Variants in NRP1 observed in about 807,000 individuals in gnomAD.
NRP1 encodes the protein neuropilin-1.
In NRP1, 35 loss-of-function variants were observed where a neutral mutation model predicts 106.7. The observed-to-expected ratio is 0.33, with a 90% CI of 0.25 to 0.43. The LOEUF (loss-of-function observed/expected upper bound fraction) is 0.43. Among genes scored for constraint, NRP1 ranks in the 20% least tolerant of loss-of-function variants. The probability of loss-of-function intolerance (pLI) is 1.00; values close to 1 mark genes in which losing one functional copy is unlikely to be tolerated. For synonymous variants in NRP1, 437 were observed against 417.9 expected, an observed-to-expected ratio of 1.05 and a Z score of -0.56; for missense variants, 1,024 against 1,170.4, an observed-to-expected ratio of 0.87 and a Z score of 1.83.
chr10:33,216,125 CTTCTTTCT>C (rs1357393342), intron 8 of NRP1, among the ~76,000 whole-genome samples: 1 of 149,838 alleles, frequency 6.7e-6, no homozygotes, highest in African/African-American at 2.4e-5. Context: ...CTGCATTTCC[CTTCTTTCT>C]TTCTTTCTTT....
intron 12 of NRP1, among the ~76,000 whole-genome samples, chr10:33,196,633 G>A (rs1045320744): frequency 6.6e-6 from 1 of 152,186 alleles, no homozygotes; most frequent in African/African-American, 2.4e-5. Flanking sequence ...GTGGTAGCAG[G>A]AATTTTGTCA....
chr10:33,242,896 C>G (rs1026553180), intron 6 of NRP1, among the ~76,000 whole-genome samples: 1 of 152,112 alleles, frequency 6.6e-6, no homozygotes, highest in Non-Finnish European at 1.5e-5. Context: ...TTTCTTCTTT[C>G]TGGGTTAGTA....
intron 3 of NRP1, among the ~76,000 whole-genome samples, chr10:33,268,746 T>A (rs529216876): frequency 6.6e-6 from 1 of 152,376 alleles, no homozygotes; most frequent in Admixed American, 6.5e-5. Flanking sequence ...TGTGTACATA[T>A]ACAGACACGT....
At position 33,267,011 on chromosome 10, in the gene NRP1, A is replaced by G. The variant is rs546825805; in HGVS notation, c.431-3138T>C. ...CGTGCCACTGCACTCCAGCCTGAGC[A>G]ACAGAGTGAGACTCTGTCTCAAAAC... On this transcript the variant is annotated intron_variant, in intron 3 of 16. Transcript: ENST00000374867. Among the ~76,000 whole-genome samples, 14 of 152,242 alleles carry G rather than the reference A, an allele frequency of 9.2e-5. 1 individual carries two copies. The highest frequency in any genetic ancestry group is 5.2e-4 in the Admixed American group (8 of 15,292).
chr10:33,252,996 G>GTTTTTTT (rs35881919), intron 6 of NRP1, among the ~76,000 whole-genome samples: 10 of 144,890 alleles, frequency 6.9e-5, no homozygotes, highest in Non-Finnish European at 6.1e-5. Context: ...TCATCTTGTG[G>GTTTTTTT]TTTTTTTTTT....
At chr10:33,256,627 T>C (rs1356833140) in intron 4 of NRP1, among the ~76,000 whole-genome samples, 156 bp from the exon 5 acceptor site, 2 of 152,124 alleles carry the variant, frequency 1.3e-5, no homozygotes, top group African/African-American at 4.8e-5. Context: ...TGTGAACATA[T>C]TGGATTGGGT....
intron 2 of NRP1, among the ~76,000 whole-genome samples, chr10:33,280,656 T>C (rs999371501): frequency 6.6e-6 from 1 of 152,186 alleles, no homozygotes; most frequent in Non-Finnish European, 1.5e-5. Context: ...TTTAAGTCCT[T>C]ATATCCTTAC....
intron 2 of NRP1, among the ~76,000 whole-genome samples, chr10:33,277,194 T>C (rs1254843729): frequency 6.6e-6 from 1 of 151,574 alleles, no homozygotes. Context: ...CAGTGAAAAA[T>C]GCTTATGATA....
intron 8 of NRP1, among the ~76,000 whole-genome samples, chr10:33,216,360 T>C (rs1329208988): frequency 6.6e-6 from 1 of 151,994 alleles, no homozygotes; most frequent in Non-Finnish European, 1.5e-5. Flanking sequence ...ATGGTCTCGA[T>C]CTCCTGACCT....
intron 11 of NRP1, among the ~76,000 whole-genome samples, chr10:33,199,382 T>TATATATATATATATAG (rs1837072187): frequency 1.4e-5 from 1 of 71,120 alleles, no homozygotes; most frequent in Non-Finnish European, 2.8e-5. Context: ...TATATATATA[T>TATATATATATATATAG]ATATATATTT....
intron 2 of NRP1, 84 bp downstream of exon 2, chr10:33,330,624 T>C (rs1001331174): frequency 1.7e-6 from 2 of 1,205,218 alleles, no homozygotes; most frequent in Non-Finnish European, 2.3e-6. Flanking sequence ...ATAATCTACA[T>C]TGTACACACC....
At chr10:33,249,992 G>A (rs766385477) in intron 6 of NRP1, among the ~76,000 whole-genome samples, 13 of 151,898 alleles carry the variant, frequency 8.6e-5, no homozygotes, top group Non-Finnish European at 1.8e-4. Flanking sequence ...TTCCAATATC[G>A]CCTTATTAAT....
chr10:33,202,576 G>GGGA, intron 11 of NRP1: 1 of 1,419,408 alleles, frequency 7.0e-7, no homozygotes, highest in East Asian at 2.6e-5. Context: ...TTGGGGGGGG[G>GGGA]TCTGAAAATA....
At chr10:33,292,786 G>A (rs1241300124) in intron 2 of NRP1, among the ~76,000 whole-genome samples, 3 of 152,068 alleles carry the variant, frequency 2.0e-5, no homozygotes, top group African/African-American at 7.2e-5. Flanking sequence ...TCAGAAGTTC[G>A]AGACCAGCCT....
intron 9 of NRP1, 196 bp downstream of exon 9, chr10:33,213,190 C>A: frequency 7.0e-7 from 1 of 1,433,216 alleles, no homozygotes; most frequent in Non-Finnish European, 9.4e-7. Context: ...AATTCTTTTG[C>A]ATGTTATCTC....
In NRP1 at chr10:33,249,084, G is replaced by GTTTTTTTTTTTT. The variant is rs750905931; in HGVS notation, c.981+4932_981+4943dup. ...ATCCCACCCAGGTATTATGTCTCTT[G>GTTTTTTTTTTTT]TTTTTTTTTTTTTTTTTTTTTTTTG... On this transcript the variant is annotated intron_variant, in intron 6 of 16. Transcript: ENST00000374867. Among the ~76,000 whole-genome samples, 87 of 72,198 alleles carry GTTTTTTTTTTTT rather than the reference G, an allele frequency of 1.2e-3. 1 individual carries two copies. Among genetic ancestry groups the GTTTTTTTTTTTT allele is most frequent in the East Asian group, 1.4e-3 (3 of 2,124 alleles). 47.4% of individuals were successfully genotyped at this position (72,198 alleles called of 152,430 possible).
At chr10:33,197,247 T>C (rs946175096) in intron 12 of NRP1, among the ~76,000 whole-genome samples, 4 of 152,168 alleles carry the variant, frequency 2.6e-5, no homozygotes, top group African/African-American at 9.7e-5. Flanking sequence ...GCCAACTCCA[T>C]GGCAGGCAAA....
intron 2 of NRP1, among the ~76,000 whole-genome samples, chr10:33,273,525 C>G (rs1280539572): frequency 6.6e-6 from 1 of 152,192 alleles, no homozygotes; most frequent in Non-Finnish European, 1.5e-5. Flanking sequence ...AGCCCAGGAT[C>G]CTGAGTTTGC....
Position 33,177,915 on chromosome 10 carries a change from T to C in NRP1, c.*2161A>G, listed in dbSNP as rs1044222. On this transcript the variant is annotated 3_prime_UTR_variant, in exon 17 of 17. Transcript: ENST00000374867. ...ACAAATTAATAACTTTATAAACATA[T>C]AATTTTTAAATATATTTATCAGTGC... The C allele has an allele frequency of 0.16, 24,802 of 152,606 alleles. 2,380 individuals are homozygous for C. Among genetic ancestry groups the C allele is most frequent in the East Asian group, 0.5 (2,562 of 5,170 alleles). 9.5% of individuals were successfully genotyped at this position (152,606 alleles called of 1,614,324 possible). A position where few individuals can be genotyped will look rare whatever the true frequency, so the allele number is the denominator to read the frequency against.
Sources: gnomAD v4.1 joint callset for allele counts (sites outside exome capture counted in the v4.1 genomes callset) on GRCh38, gnomAD v4.1.1 for gene constraint, MANE v1.5 for transcripts, NCBI Gene and HGNC (gene_info 2026-07-23, HGNC 2026-07-21) for gene names.